Variants in ENTREP2 observed in about 807,000 individuals in gnomAD.
ENTREP2 encodes endosomal transmembrane epsin interactor 2.
chr15:29,320,850 A>G, the ENTREP2 span, among the ~76,000 whole-genome samples: 1 of 152,182 alleles, frequency 6.6e-6, no homozygotes, highest in Non-Finnish European at 1.5e-5. Context: ...AGAATGAGAA[A>G]AAATAAAAAT....
chr15:29,283,914 G>A, the ENTREP2 span, among the ~76,000 whole-genome samples: 1 of 152,026 alleles, frequency 6.6e-6, no homozygotes, highest in Non-Finnish European at 1.5e-5. Context: ...ATAAAAGAAC[G>A]GTCCCCACTA....
At chr15:29,529,399 G>A in the ENTREP2 span, among the ~76,000 whole-genome samples, 1 of 151,918 alleles carries the variant, frequency 6.6e-6, no homozygotes, top group South Asian at 2.1e-4. Context: ...GCATGGTTAG[G>A]ACTGGCTAGT....
chr15:29,247,559 T>A, the ENTREP2 span, among the ~76,000 whole-genome samples: 9 of 152,310 alleles, frequency 5.9e-5, no homozygotes, highest in African/African-American at 1.4e-4. Context: ...GTTGAATGAA[T>A]ATGAATAAAA....
At chr15:29,550,226 G>A in the ENTREP2 span, among the ~76,000 whole-genome samples, 2 of 152,090 alleles carry the variant, frequency 1.3e-5, no homozygotes, top group East Asian at 1.9e-4. Flanking sequence ...ATCTGAGAAA[G>A]AGAACAAATT....
the ENTREP2 span, among the ~76,000 whole-genome samples, chr15:29,581,695 A>T: frequency 6.6e-6 from 1 of 151,400 alleles, no homozygotes; most frequent in Admixed American, 6.6e-5. Flanking sequence ...TTCCTATCAA[A>T]ATCCCAGCAA....
chr15:29,549,304 CTG>C, the ENTREP2 span, among the ~76,000 whole-genome samples: 6 of 150,268 alleles, frequency 4.0e-5, no homozygotes, highest in Admixed American at 4.0e-4. Flanking sequence ...GAGTCTCACT[CTG>C]TAGCCCAGGC....
chr15:29,306,021 A>C, the ENTREP2 span, among the ~76,000 whole-genome samples: 1 of 152,244 alleles, frequency 6.6e-6, no homozygotes, highest in African/African-American at 2.4e-5. Flanking sequence ...CATGTGTTTC[A>C]AATGTTGCTG....
At chr15:29,150,922 G>A in the ENTREP2 span, among the ~76,000 whole-genome samples, 3 of 152,038 alleles carry the variant, frequency 2.0e-5, no homozygotes, top group Admixed American at 6.5e-5. Flanking sequence ...AGAGACCGAG[G>A]CAGAAAGACA....
chr15:29,382,354 T>C, the ENTREP2 span, among the ~76,000 whole-genome samples: 1 of 151,912 alleles, frequency 6.6e-6, no homozygotes, highest in Non-Finnish European at 1.5e-5. Context: ...CATGGTTGCA[T>C]GGACCCTGGG....
At chr15:29,125,603 A>G in the ENTREP2 span, among the ~76,000 whole-genome samples, 1 of 152,216 alleles carries the variant, frequency 6.6e-6, no homozygotes, top group Non-Finnish European at 1.5e-5. Context: ...CAGCAATGGC[A>G]TGGAGGTCAA....
chr15:29,438,650 T>C, the ENTREP2 span, among the ~76,000 whole-genome samples: 6 of 152,270 alleles, frequency 3.9e-5, no homozygotes, highest in South Asian at 1.2e-3. Context: ...TTTGCACCTT[T>C]ATGACCTTCT....
chr15:29,356,248 GTA>G, the ENTREP2 span, among the ~76,000 whole-genome samples: 4 of 111,198 alleles, frequency 3.6e-5, no homozygotes, highest in Admixed American at 1.1e-4. Flanking sequence ...GATATGAAAT[GTA>G]TATATATGTG....
the ENTREP2 span, among the ~76,000 whole-genome samples, chr15:29,257,273 A>G: frequency 2.6e-5 from 4 of 152,022 alleles, no homozygotes. Context: ...GGGTTTCTCC[A>G]TGTTGGTCAG....
At chr15:29,597,332 G>T in the ENTREP2 span, among the ~76,000 whole-genome samples, 1 of 152,116 alleles carries the variant, frequency 6.6e-6, no homozygotes, top group Non-Finnish European at 1.5e-5. Context: ...ACTTTGGGAG[G>T]CTGAGGCAGG....
chr15:29,134,908 A>G, the ENTREP2 span, among the ~76,000 whole-genome samples: 3 of 152,294 alleles, frequency 2.0e-5, no homozygotes, highest in East Asian at 5.8e-4. Flanking sequence ...TACAGGAGTC[A>G]GCAGACAGCG....
chr15:29,634,252 C>T, the ENTREP2 span, among the ~76,000 whole-genome samples: 5 of 152,096 alleles, frequency 3.3e-5, no homozygotes, highest in African/African-American at 4.8e-5. Flanking sequence ...GTCTTTACCC[C>T]ACTTGCCCTG....
At chr15:29,614,662 T>C in the ENTREP2 span, among the ~76,000 whole-genome samples, 1 of 152,150 alleles carries the variant, frequency 6.6e-6, no homozygotes, top group Non-Finnish European at 1.5e-5. Flanking sequence ...CCCATTCAGA[T>C]CCCATTTAGA....
chr15:29,192,248 G>C, the ENTREP2 span, among the ~76,000 whole-genome samples: 27 of 152,304 alleles, frequency 1.8e-4, no homozygotes, highest in African/African-American at 6.5e-4. Flanking sequence ...GCATTTGGCT[G>C]ACTTTCAGAT....
chr15:29,392,821 T>C, the ENTREP2 span, among the ~76,000 whole-genome samples: 17 of 152,350 alleles, frequency 1.1e-4, no homozygotes, highest in Middle Eastern at 3.4e-3. Context: ...ATCCTCCAAA[T>C]GTCTTAGTTT....
Sources: gnomAD v4.1 joint callset for allele counts (sites outside exome capture counted in the v4.1 genomes callset) on GRCh38, gnomAD v4.1.1 for gene constraint, MANE v1.5 for transcripts, NCBI Gene and HGNC (gene_info 2026-07-23, HGNC 2026-07-21) for gene names.